ADAM28: variants seen among roughly 807,000 people sequenced by gnomAD.
ADAM28 encodes ADAM metallopeptidase domain 28, also known as disintegrin and metalloproteinase domain-containing protein 28.
ADAM28 carries 105 observed loss-of-function variants against 101.2 expected under a neutral mutation model. The observed-to-expected ratio is 1.04, with a 90% CI of 0.89 to 1.22. The LOEUF is 1.22. ADAM28 is among the 50% of genes most tolerant of loss of function. ADAM28 has a pLI of 0.00. For synonymous variants in ADAM28, 322 were observed against 310.6 expected, an observed-to-expected ratio of 1.04 and a Z score of -0.39; for missense variants, 1,028 against 945.4, an observed-to-expected ratio of 1.09 and a Z score of -1.15.
At chr8:24,350,381 G>A (rs546712787) in intron 19 of ADAM28, among the ~76,000 whole-genome samples, 24 of 152,034 alleles carry the variant, frequency 1.6e-4, no homozygotes, top group African/African-American at 4.3e-4. Flanking sequence ...CTGCGATCTC[G>A]GCTCACTGCA....
intron 15 of ADAM28, 52 bp from the exon 16 acceptor site, chr8:24,341,546 T>G: frequency 6.4e-7 from 1 of 1,567,664 alleles, no homozygotes; most frequent in Non-Finnish European, 8.7e-7. Context: ...CCTAGAGCAT[T>G]TATGTAAAAC....
intron 1 of ADAM28, among the ~76,000 whole-genome samples, chr8:24,295,347 G>A (rs1406962845): frequency 1.3e-5 from 2 of 151,876 alleles, no homozygotes; most frequent in South Asian, 2.1e-4. Flanking sequence ...TGATGTGAAC[G>A]TGTTACACCA....
chr8:24,352,179 A>T lies in ADAM28; in HGVS notation c.2244+127A>T. ...TTGAAATCTATGTGAATATTAATATAAAATACAAATTCTTCTGCAAAATAT... is the reference window on the plus strand; with the variant it reads ...TTGAAATCTATGTGAATATTAATATTAAATACAAATTCTTCTGCAAAATAT... On this transcript the variant is annotated intron_variant, in intron 21 of 22. Coordinates refer to ENST00000265769, the MANE Select transcript of ADAM28 (RefSeq NM_014265.6). The T allele has an allele frequency of 3.5e-6, 3 of 851,760 alleles. No individual in the cohort carries two copies. In the South Asian group the frequency reaches 5.2e-5, roughly 15 times the overall value. 52.8% of individuals were successfully genotyped at this position (851,760 alleles called of 1,614,324 possible). A position where few individuals can be genotyped will look rare whatever the true frequency, so the allele number is the denominator to read the frequency against.
At chr8:24,321,096 A>G (rs969354975) in intron 7 of ADAM28, 122 bp from the exon 8 acceptor site, 47 of 613,934 alleles carry the variant, frequency 7.7e-5, no homozygotes, top group African/African-American at 6.0e-4. Flanking sequence ...CTTTTAATTA[A>G]ATCTAATAAC....
rs987164088 is a variant in ADAM28 at position 24,356,022 on chromosome 8, A to C, written c.*1618A>C. 1 of 152,142 alleles carries C rather than the reference A, an allele frequency of 6.6e-6. No individual in the cohort carries two copies. The highest frequency in any genetic ancestry group is 6.6e-5 in the Admixed American group (1 of 15,258). 9.4% of individuals were successfully genotyped at this position (152,142 alleles called of 1,614,324 possible). On this transcript the variant is annotated 3_prime_UTR_variant, in exon 23 of 23. Transcript: ENST00000265769. ...TTTATGGTTCATTTACCCTTGCAGT[A>C]TGAGGTTCTAGATAAGCCCACTCTG...
Position 24,356,737 on chromosome 8 carries a change from A to ATTAG in ADAM28, c.*2337_*2340dup, listed in dbSNP as rs1816712649. On this transcript the variant is annotated 3_prime_UTR_variant, in exon 23 of 23. Transcript: ENST00000265769. Reference sequence around the variant, plus strand: ...ATATGCCACCAAACCTGTTTTCATCATTAGTTATTTTTACCTTGTCTACTT... The same window carrying ATTAG: ...ATATGCCACCAAACCTGTTTTCATCATTAGTTAGTTATTTTTACCTTGTCTACTT... 2 of 152,246 alleles carry ATTAG rather than the reference A, an allele frequency of 1.3e-5. No homozygotes were observed. Among genetic ancestry groups the ATTAG allele is most frequent in the East Asian group, 1.9e-4 (1 of 5,182 alleles). The allele number at this position is 152,246 out of a possible 1,614,324, so 9.4% of individuals were successfully genotyped here.
rs542172345 is a variant in ADAM28, at chr8:24,344,417, G to T, written c.1990+833G>T. 4.6e-5 allele frequency among the ~76,000 whole-genome samples: 7 copies of T among 152,228 alleles called. No homozygotes were observed. In the East Asian group the frequency reaches 9.7e-4, roughly 21 times the overall value. ...TGCATCCTCTGTTTGCAGAAACGGA[G>T]AAATTCTTAGGATTTTGATCTCAGG... On this transcript the variant is annotated intron_variant, in intron 18 of 22. Transcript: ENST00000265769.
chr8:24,302,940 C>A (rs1809020648), intron 2 of ADAM28, among the ~76,000 whole-genome samples: 1 of 129,570 alleles, frequency 7.7e-6, no homozygotes. Flanking sequence ...CCACAACAAG[C>A]CACAGTGTGT....
At chr8:24,328,094 A>G (rs1410118481) in intron 10 of ADAM28, among the ~76,000 whole-genome samples, 2 of 152,040 alleles carry the variant, frequency 1.3e-5, no homozygotes, top group Non-Finnish European at 2.9e-5. Flanking sequence ...CCATCACTTC[A>G]TTGCATTTCC....
chr8:24,348,041 TG>T (rs1815620685), intron 18 of ADAM28, among the ~76,000 whole-genome samples: 1 of 152,152 alleles, frequency 6.6e-6, no homozygotes, highest in African/African-American at 2.4e-5. Flanking sequence ...CTGATGTACT[TG>T]GGTATAAATC....
intron 8 of ADAM28, among the ~76,000 whole-genome samples, chr8:24,321,891 T>TA (rs919645165): frequency 2.0e-5 from 3 of 151,966 alleles, no homozygotes; most frequent in African/African-American, 7.2e-5. Context: ...CCAAAATATT[T>TA]AAAAAATGGT....
chr8:24,345,917 A>G (rs886751221), intron 18 of ADAM28, among the ~76,000 whole-genome samples: 7 of 152,104 alleles, frequency 4.6e-5, no homozygotes, highest in African/African-American at 1.7e-4. Context: ...CTGTTTGTTG[A>G]AACCACTACA....
rs368407703 is a variant in ADAM28, at chr8:24,299,042, A to G, written c.47-932A>G. ...CTACTTCTCTAATAGAAAAAAAAAA[A>G]AAAAGCCAGGCATGGTGGTGCACAC... On this transcript the variant is annotated intron_variant, in intron 1 of 22. Coordinates refer to ENST00000265769, the MANE Select transcript of ADAM28 (RefSeq NM_014265.6). Among the ~76,000 whole-genome samples, 43 of 152,094 alleles carry G rather than the reference A, an allele frequency of 2.8e-4. 1 individual carries two copies. In the East Asian group the frequency reaches 7.4e-3, roughly 26 times the overall value.
intron 18 of ADAM28, among the ~76,000 whole-genome samples, chr8:24,344,880 T>C (rs925247925): frequency 2.0e-5 from 3 of 152,110 alleles, no homozygotes; most frequent in South Asian, 2.1e-4. Context: ...GTTGTACTTA[T>C]GAGAATGTAT....
At chr8:24,338,857 G>C (rs905769476) in intron 14 of ADAM28, among the ~76,000 whole-genome samples, 1 of 152,056 alleles carries the variant, frequency 6.6e-6, no homozygotes, top group African/African-American at 2.4e-5. Flanking sequence ...AGAATGGCTA[G>C]TATTTGTCAA....
Position 24,354,548 on chromosome 8 carries a change from T to C in ADAM28, c.*144T>C. The C allele has an allele frequency of 9.9e-7, 1 of 1,006,440 alleles. No homozygotes were observed. Among genetic ancestry groups the C allele is most frequent in the Non-Finnish European group, 1.4e-6 (1 of 721,448 alleles). 62.3% of individuals were successfully genotyped at this position (1,006,440 alleles called of 1,614,324 possible). On this transcript the variant is annotated 3_prime_UTR_variant, in exon 23 of 23. Coordinates refer to ENST00000265769, the MANE Select transcript of ADAM28 (RefSeq NM_014265.6). ...ACATTTTCTGATTCATGTTAGACTT[T>C]GAAGAGACTAAAGAAAATTTTCAAG... is the stretch of plus-strand genomic sequence containing the variant.
At chr8:24,307,256 G>A (rs1030098641) in intron 2 of ADAM28, among the ~76,000 whole-genome samples, 1 of 152,128 alleles carries the variant, frequency 6.6e-6, no homozygotes, top group African/African-American at 2.4e-5. Flanking sequence ...CCTAGATTAA[G>A]TGCTTCACTT....
chr8:24,309,322 A>T (rs1048646949), intron 2 of ADAM28, among the ~76,000 whole-genome samples: 1 of 152,130 alleles, frequency 6.6e-6, no homozygotes, highest in Non-Finnish European at 1.5e-5. Flanking sequence ...TCTTGAGAAG[A>T]CTTCAAGACC....
intron 10 of ADAM28, among the ~76,000 whole-genome samples, chr8:24,327,253 G>C (rs867285888): frequency 6.6e-6 from 1 of 151,644 alleles, no homozygotes; most frequent in Non-Finnish European, 1.5e-5. Flanking sequence ...ACCAATAACA[G>C]ACAGAGAGCC....
Sources: gnomAD v4.1 joint callset for allele counts (sites outside exome capture counted in the v4.1 genomes callset) on GRCh38, gnomAD v4.1.1 for gene constraint, MANE v1.5 for transcripts, NCBI Gene and HGNC (gene_info 2026-07-23, HGNC 2026-07-21) for gene names.